Variants in TRMT11 observed in about 807,000 individuals in gnomAD.
TRMT11 encodes the protein tRNA methyltransferase 11, also known as tRNA (guanine(10)-N(2))-methyltransferase TRMT11.
Under a neutral mutation model 62.8 loss-of-function variants are expected in TRMT11, and 53 were observed. That is an observed-to-expected ratio of 0.84 (90% confidence interval 0.68 to 1.06). The LOEUF (loss-of-function observed/expected upper bound fraction) is 1.06, where lower values mean the gene tolerates loss of function less well. Ranked by LOEUF, TRMT11 falls within the 50% of genes least tolerant of loss-of-function variation. TRMT11 has a pLI of 0.00. For synonymous variants in TRMT11, 188 were observed against 190.3 expected (o/e 0.99, Z 0.10); for missense variants, 556 against 553.4 (o/e 1.00, Z -0.05).
chr6:126,059,548 G>T (rs2128124191), intron 17 of TRMT11, among the ~76,000 whole-genome samples: 2 of 152,294 alleles, frequency 1.3e-5, no homozygotes, highest in Middle Eastern at 3.4e-3. Context: ...ACTAGTATAT[G>T]CTAAGTATCT....
At position 126,011,432 on chromosome 6, in the gene TRMT11, A is replaced by G. The variant is rs1377266115; in HGVS notation, c.925+15A>G. Reference sequence around the variant, plus strand: ...CATTACTGATCGTAAGTTTATTTTTATACAAAAGTAGGAGTAGGATTCGTT... The same window carrying G: ...CATTACTGATCGTAAGTTTATTTTTGTACAAAAGTAGGAGTAGGATTCGTT... On this transcript the variant is annotated intron_variant, in intron 9 of 12. Transcript: ENST00000334379. 2.5e-6 allele frequency: 4 copies of G among 1,600,812 alleles called. No individual in the cohort carries two copies. Among genetic ancestry groups the G allele is most frequent in the East Asian group, 4.5e-5 (2 of 44,682 alleles).
the TRMT11 span, among the ~76,000 whole-genome samples, chr6:126,268,893 G>A: frequency 1.3e-5 from 2 of 151,878 alleles, no homozygotes; most frequent in African/African-American, 4.8e-5. Context: ...AAAAGACTAC[G>A]GTAAGTACAA....
chr6:125,996,152 C>T, intron 3 of TRMT11, 112 bp downstream of exon 3: 1 of 630,334 alleles, frequency 1.6e-6, no homozygotes, highest in Non-Finnish European at 2.7e-6. Context: ...CTTGCAGTTA[C>T]ATACAACTGC....
intron 1 of TRMT11, among the ~76,000 whole-genome samples, chr6:126,186,533 T>C (rs1778529587): frequency 1.3e-5 from 2 of 152,164 alleles, no homozygotes; most frequent in Non-Finnish European, 1.5e-5. Flanking sequence ...TTCAGGTGAC[T>C]ATAAAATGTT....
At chr6:126,038,449 A>AG (rs548631596) in intron 12 of TRMT11, among the ~76,000 whole-genome samples, 166 of 150,594 alleles carry the variant, frequency 1.1e-3, no homozygotes, top group South Asian at 4.0e-3. Context: ...AAAAAAAAAA[A>AG]AAAAGAAAAA....
chr6:126,212,712 C>T, the TRMT11 span, among the ~76,000 whole-genome samples: 7 of 151,994 alleles, frequency 4.6e-5, no homozygotes, highest in Non-Finnish European at 8.8e-5. Flanking sequence ...CAAATATTTT[C>T]TCCCATTCTG....
rs142985751 is a variant in TRMT11 at position 126,076,220 on chromosome 6, T to C, written c.*1437+23030T>C. On this transcript the variant is annotated intron_variant and NMD_transcript_variant, in intron 17 of 22. Coordinates refer to the TRMT11 transcript ENST00000648977. The stretch of plus-strand genomic sequence containing the variant: ...ATTTCCTTATGAGAACTGTCTGTCT[T>C]CCAATTACAGCTCTTATAGTCTGGC... Among the ~76,000 whole-genome samples, 1,295 of 152,276 alleles carry C rather than the reference T, an allele frequency of 8.5e-3. 22 individuals are homozygous for C. Among genetic ancestry groups the C allele is most frequent in the African/African-American group, 0.03 (1,234 of 41,558 alleles).
chr6:126,237,099 G>T, the TRMT11 span, among the ~76,000 whole-genome samples: 1 of 150,610 alleles, frequency 6.6e-6, no homozygotes, highest in East Asian at 2.0e-4. Context: ...GAGAGAGACT[G>T]ATTATTGACT....
At chr6:126,065,993 G>A (rs972752632) in intron 17 of TRMT11, among the ~76,000 whole-genome samples, 3 of 152,174 alleles carry the variant, frequency 2.0e-5, no homozygotes, top group African/African-American at 7.2e-5. Context: ...GAATATCCTC[G>A]GTGCCTGCAT....
chr6:126,173,555 C>G (rs1427748488), upstream of TRMT11, among the ~76,000 whole-genome samples: 2 of 152,162 alleles, frequency 1.3e-5, no homozygotes, highest in African/African-American at 4.8e-5. Context: ...TATGAGAAGT[C>G]AACTGGTAAG....
intron 17 of TRMT11, among the ~76,000 whole-genome samples, chr6:126,062,877 T>A (rs891067991): frequency 6.6e-6 from 1 of 152,190 alleles, no homozygotes; most frequent in South Asian, 2.1e-4. Flanking sequence ...CAAGAACAAC[T>A]AACATATAGC....
At chr6:126,012,071 C>T (rs1297138300) in intron 9 of TRMT11, among the ~76,000 whole-genome samples, 3 of 152,170 alleles carry the variant, frequency 2.0e-5, no homozygotes, top group African/African-American at 7.2e-5. Flanking sequence ...TGGCAAAGTT[C>T]AGCCCTTCTA....
At chr6:126,205,668 T>C (rs947411485), downstream of TRMT11, among the ~76,000 whole-genome samples, 1 of 152,216 alleles carries the variant, frequency 6.6e-6, no homozygotes, top group Non-Finnish European at 1.5e-5. Flanking sequence ...AAAACATCTA[T>C]GTTCTTTCCT....
upstream of TRMT11, among the ~76,000 whole-genome samples, chr6:126,172,708 A>C (rs1246494037): frequency 1.3e-5 from 2 of 152,132 alleles, no homozygotes; most frequent in African/African-American, 4.8e-5. Context: ...ATCTTTGCAA[A>C]CTAGAGTCTT....
At chr6:126,070,904 T>C (rs915963711) in intron 17 of TRMT11, among the ~76,000 whole-genome samples, 11 of 152,180 alleles carry the variant, frequency 7.2e-5, no homozygotes, top group Admixed American at 2.6e-4. Flanking sequence ...AGAGTCAGAC[T>C]GGTCTGACTC....
intron 12 of TRMT11, among the ~76,000 whole-genome samples, chr6:126,025,701 A>G (rs1772931845): frequency 6.6e-6 from 1 of 152,158 alleles, no homozygotes; most frequent in Admixed American, 6.5e-5. Flanking sequence ...GTCCTCACAC[A>G]CCTCTAACAA....
exon 4 of TRMT11, chr6:126,202,095 A>AT (rs1482439607): frequency 6.6e-6 from 1 of 152,116 alleles, no homozygotes; most frequent in African/African-American, 2.4e-5. Context: ...TTGTTTAACC[A>AT]TTTTGCCAGC....
intron 1 of TRMT11, among the ~76,000 whole-genome samples, chr6:126,186,838 G>T (rs1180963256): frequency 6.6e-6 from 1 of 151,448 alleles, no homozygotes; most frequent in East Asian, 1.9e-4. Flanking sequence ...TGAAGTGCTG[G>T]GTAAAATTAA....
At chr6:126,137,925 C>T (rs965734941) in intron 21 of TRMT11, among the ~76,000 whole-genome samples, 9 of 151,604 alleles carry the variant, frequency 5.9e-5, no homozygotes, top group Admixed American at 5.9e-4. Flanking sequence ...AAGTAGATCT[C>T]ATGGATATAG....
Sources: gnomAD v4.1 joint callset for allele counts (sites outside exome capture counted in the v4.1 genomes callset) on GRCh38, gnomAD v4.1.1 for gene constraint, MANE v1.5 for transcripts, NCBI Gene and HGNC (gene_info 2026-07-23, HGNC 2026-07-21) for gene names.